AP3S1: variants seen among roughly 807,000 people sequenced by gnomAD.
AP3S1 encodes adaptor related protein complex 3 subunit sigma 1.
Under a neutral mutation model 21.3 loss-of-function variants are expected in AP3S1, and 12 were observed. That is an observed-to-expected ratio of 0.56 (90% CI 0.36 to 0.91). AP3S1 has a LOEUF of 0.91. Ranked by LOEUF, AP3S1 falls within the 40% of genes least tolerant of loss-of-function variation. The pLI is 0.01. For missense variants in AP3S1, 116 were observed against 225.0 expected (o/e 0.52, Z 3.10); for synonymous variants, 48 against 78.4 (o/e 0.61, Z 2.05).
At chr5:115,910,747 A>T (rs1752035024) in intron 5 of AP3S1, among the ~76,000 whole-genome samples, 1 of 152,250 alleles carries the variant, frequency 6.6e-6, no homozygotes, top group Non-Finnish European at 1.5e-5. Context: ...GCTGGTTTAA[A>T]CATCTGTTGA....
At chr5:115,855,818 A>C (rs772173271) in intron 1 of AP3S1, among the ~76,000 whole-genome samples, 11 of 151,940 alleles carry the variant, frequency 7.2e-5, no homozygotes, top group Admixed American at 2.0e-4. Flanking sequence ...TACCAGAGTG[A>C]ATGAATGCAT....
chr5:115,888,674 T>G (rs1269376572), intron 3 of AP3S1, among the ~76,000 whole-genome samples: 1 of 152,106 alleles, frequency 6.6e-6, no homozygotes, highest in African/African-American at 2.4e-5. Context: ...TGGACAGCAT[T>G]TTTTTCTTCC....
At chr5:115,884,951 A>T (rs1327064539) in intron 3 of AP3S1, among the ~76,000 whole-genome samples, 2 of 152,210 alleles carry the variant, frequency 1.3e-5, no homozygotes, top group East Asian at 1.9e-4. Context: ...AAAATGGTTG[A>T]TCTCAGAGTT....
intron 3 of AP3S1, among the ~76,000 whole-genome samples, chr5:115,887,674 T>C (rs1023297055): frequency 2.6e-5 from 4 of 152,200 alleles, no homozygotes; most frequent in Non-Finnish European, 4.4e-5. Flanking sequence ...CTCTATGATA[T>C]AGTTACCATT....
intron 2 of AP3S1, among the ~76,000 whole-genome samples, chr5:115,869,101 A>T (rs1747989669): frequency 6.6e-6 from 1 of 152,200 alleles, no homozygotes; most frequent in Non-Finnish European, 1.5e-5. Context: ...TGAATTCATT[A>T]TTGTAAACTT....
At chr5:115,896,014 T>G (rs966635850) in intron 4 of AP3S1, among the ~76,000 whole-genome samples, 1 of 152,176 alleles carries the variant, frequency 6.6e-6, no homozygotes, top group Admixed American at 6.5e-5. Flanking sequence ...TTTTTCTGTA[T>G]TAGGTTTGTA....
chr5:115,859,624 G>T (rs1021800354), intron 1 of AP3S1, among the ~76,000 whole-genome samples: 4 of 152,198 alleles, frequency 2.6e-5, no homozygotes, highest in Non-Finnish European at 4.4e-5. Flanking sequence ...CATTCCACTG[G>T]CCAGAACTGT....
At chr5:115,906,690 T>G in intron 5 of AP3S1, 1 of 609,730 alleles carries the variant, frequency 1.6e-6, no homozygotes, top group South Asian at 4.1e-5. Context: ...TCTGTTAGCT[T>G]TTATGTATTT....
intron 3 of AP3S1, among the ~76,000 whole-genome samples, chr5:115,891,958 C>G (rs1190688086): frequency 6.6e-6 from 1 of 152,168 alleles, no homozygotes; most frequent in African/African-American, 2.4e-5. Flanking sequence ...CACTGGATTT[C>G]AGACTTTCAT....
At chr5:115,893,930 G>A (rs1358854519) in intron 3 of AP3S1, among the ~76,000 whole-genome samples, 1 of 152,048 alleles carries the variant, frequency 6.6e-6, no homozygotes, top group Admixed American at 6.6e-5. Context: ...CACTGAAAAG[G>A]GTGGTGAGAA....
chr5:115,913,025 G>A (rs1239989721), intron 5 of AP3S1, among the ~76,000 whole-genome samples: 1 of 152,090 alleles, frequency 6.6e-6, no homozygotes, highest in Non-Finnish European at 1.5e-5. Flanking sequence ...GGAAACTAAT[G>A]TAAATCATGC....
intron 3 of AP3S1, among the ~76,000 whole-genome samples, chr5:115,882,786 G>A (rs1749422799): frequency 1.3e-5 from 2 of 152,222 alleles, no homozygotes; most frequent in African/African-American, 4.8e-5. Flanking sequence ...TAAGTCTGCT[G>A]AAGCTGTGCT....
intron 5 of AP3S1, among the ~76,000 whole-genome samples, chr5:115,905,115 C>T (rs1264621049): frequency 6.6e-6 from 1 of 151,834 alleles, no homozygotes; most frequent in African/African-American, 2.4e-5. Flanking sequence ...TCTGATTTTT[C>T]ACAAAAAAAA....
chr5:115,891,646 G>T (rs752729184), intron 3 of AP3S1, among the ~76,000 whole-genome samples: 1 of 152,136 alleles, frequency 6.6e-6, no homozygotes, highest in Non-Finnish European at 1.5e-5. Context: ...GGGAAATGTG[G>T]GGTCAGAGCC....
At chr5:115,858,489 C>T (rs1762946503) in intron 1 of AP3S1, among the ~76,000 whole-genome samples, 1 of 152,074 alleles carries the variant, frequency 6.6e-6, no homozygotes, top group African/African-American at 2.4e-5. Context: ...CAGACCCTTG[C>T]CATTGGTCTG....
intron 3 of AP3S1, among the ~76,000 whole-genome samples, chr5:115,885,729 C>A (rs144889663): frequency 6.6e-6 from 1 of 152,248 alleles, no homozygotes; most frequent in African/African-American, 2.4e-5. Flanking sequence ...AAGTTAACAG[C>A]TAATATTAAC....
At chr5:115,899,214 G>C (rs188699171) in intron 4 of AP3S1, among the ~76,000 whole-genome samples, 3 of 152,102 alleles carry the variant, frequency 2.0e-5, no homozygotes, top group African/African-American at 7.2e-5. Context: ...TTGAGGATTT[G>C]GACAGCCTGG....
At chr5:115,913,041 GCTAT>G (rs918089389) in intron 5 of AP3S1, among the ~76,000 whole-genome samples, 1 of 152,092 alleles carries the variant, frequency 6.6e-6, no homozygotes, top group Non-Finnish European at 1.5e-5. Context: ...CATGCTTCAT[GCTAT>G]CTGTCAGTTA....
intron 3 of AP3S1, among the ~76,000 whole-genome samples, chr5:115,884,566 C>G (rs1749609487): frequency 6.6e-6 from 1 of 152,170 alleles, no homozygotes; most frequent in Non-Finnish European, 1.5e-5. Context: ...CAGGGTGAGA[C>G]TTCGTCTCCA....
Sources: allele counts gnomAD v4.1 joint callset (sites outside exome capture counted in the v4.1 genomes callset), GRCh38; gene constraint gnomAD v4.1.1; transcripts MANE v1.5; gene names NCBI Gene and HGNC (gene_info 2026-07-23, HGNC 2026-07-21).